PSME4: variants seen among roughly 807,000 people sequenced by gnomAD.
PSME4 encodes proteasome activator complex subunit 4.
Under a neutral mutation model 253.9 loss-of-function variants are expected in PSME4, and 89 were observed. The observed-to-expected ratio is 0.35, with a 90% CI of 0.30 to 0.42. The LOEUF is 0.42. PSME4 is among the 10% of genes least tolerant of loss of function. The pLI is 1.00. For synonymous variants in PSME4, 851 were observed against 759.2 expected (o/e 1.12, Z -1.99); for missense variants, 2,014 against 2,195.2 (o/e 0.92, Z 1.65).
intron 41 of PSME4, among the ~76,000 whole-genome samples, chr2:53,876,100 C>T (rs1053029507): frequency 2.6e-5 from 4 of 152,140 alleles, no homozygotes; most frequent in African/African-American, 4.8e-5. Flanking sequence ...CATAAAACTT[C>T]GTTACAGTTA....
chr2:53,872,999 G>C (rs991269281), intron 43 of PSME4, among the ~76,000 whole-genome samples: 2 of 151,900 alleles, frequency 1.3e-5, no homozygotes, highest in Non-Finnish European at 2.9e-5. Flanking sequence ...CCAGCACTTT[G>C]GGAAGCTGAG....
chr2:53,897,490 G>C (rs1680197304), intron 31 of PSME4, among the ~76,000 whole-genome samples: 1 of 152,070 alleles, frequency 6.6e-6, no homozygotes, highest in Admixed American at 6.6e-5. Context: ...TATTTTTAAA[G>C]GTCTTTCTCC....
Position 53,925,675 on chromosome 2 carries a change from A to G in PSME4, c.1673T>C (p.Ile558Thr). The G allele has an allele frequency of 6.9e-6, 11 of 1,605,362 alleles. No homozygotes were observed. Among genetic ancestry groups the G allele is most frequent in the Non-Finnish European group, 9.4e-6 (11 of 1,172,826 alleles). ...TGTTTGCTCCAATGTGCTACTTTCT[A>G]TAAGTCCAAAACATCTAAATAATCC... ...LQFMDRCFGLIESSTLEQTRE... is the reference protein window; with the variant it reads ...LQFMDRCFGLTESSTLEQTRE... Residue 558 changes from isoleucine (I) to threonine (T), a missense_variant, in exon 14 of 47, where the codon ATA (isoleucine) becomes ACA (threonine). Coordinates refer to ENST00000404125, the MANE Select transcript of PSME4 (RefSeq NM_014614.3).
rs551313842 is a variant in PSME4, at chr2:53,864,836, G to C, written c.*742C>G. The stretch of plus-strand genomic sequence containing the variant: ...CAGAGGGTCAAAAAATAGTTGTAAA[G>C]AATACAGGGAAAAAACAGCCAGTCA... On this transcript the variant is annotated 3_prime_UTR_variant, in exon 47 of 47. Transcript: ENST00000404125. The C allele has an allele frequency of 3.3e-5, 5 of 152,690 alleles. No homozygotes were observed. The East Asian group carries it at 9.6e-4, about 29-fold the overall frequency. 9.5% of individuals were successfully genotyped at this position (152,690 alleles called of 1,614,324 possible).
At chr2:53,933,648 C>T (rs182576095) in intron 8 of PSME4, among the ~76,000 whole-genome samples, 1 of 152,280 alleles carries the variant, frequency 6.6e-6, no homozygotes, top group East Asian at 1.9e-4. Flanking sequence ...TCCCAAAGTG[C>T]TAGGATTACA....
At chr2:53,929,229 TTATAC>T (rs1467259202) in intron 10 of PSME4, among the ~76,000 whole-genome samples, 1 of 151,974 alleles carries the variant, frequency 6.6e-6, no homozygotes, top group African/African-American at 2.4e-5. Flanking sequence ...CTAATCTATA[TTATAC>T]TAATCTAACG....
At chr2:53,866,016 G>T (rs1240071297) in intron 46 of PSME4, 69 bp downstream of exon 46, 2 of 1,412,628 alleles carry the variant, frequency 1.4e-6, no homozygotes, top group East Asian at 2.5e-5. Context: ...TCAGCAAAAA[G>T]AAAAAAAACA....
rs887906282 is a variant in PSME4, at chr2:53,927,278, A to G, written c.1593+116T>C. ...CCTGGCCCTCCATATGTACCATTCT[A>G]GTCACAAAATAGTGATTTTACTTCC... On this transcript the variant is annotated intron_variant, in intron 12 of 46. Coordinates refer to ENST00000404125, the MANE Select transcript of PSME4 (RefSeq NM_014614.3). 6.7e-6 allele frequency: 5 copies of G among 740,968 alleles called. No individual in the cohort carries two copies. In the African/African-American group the frequency reaches 6.9e-5, roughly 10 times the overall value. 45.9% of individuals were successfully genotyped at this position (740,968 alleles called of 1,614,324 possible).
intron 2 of PSME4, among the ~76,000 whole-genome samples, chr2:53,948,748 A>G (rs994719169): frequency 1.3e-5 from 2 of 152,214 alleles, no homozygotes; most frequent in African/African-American, 4.8e-5. Context: ...AGCAGCAGAT[A>G]AAAGAGGGCA....
At chr2:53,905,920 G>A (rs868623423) in intron 26 of PSME4, among the ~76,000 whole-genome samples, 15 of 152,268 alleles carry the variant, frequency 9.9e-5, no homozygotes, top group Middle Eastern at 3.4e-3. Context: ...CTTCCTGGGT[G>A]ATCATCCCAA....
intron 29 of PSME4, among the ~76,000 whole-genome samples, chr2:53,899,255 A>T (rs1414637265): frequency 6.6e-6 from 1 of 151,700 alleles, no homozygotes; most frequent in Non-Finnish European, 1.5e-5. Context: ...TTGTATAGAC[A>T]GGGTTTCACC....
chr2:53,963,587 CTAAG>C (rs1377162517), intron 1 of PSME4, among the ~76,000 whole-genome samples: 2 of 152,098 alleles, frequency 1.3e-5, no homozygotes, highest in Non-Finnish European at 2.9e-5. Flanking sequence ...AGGATTGAGT[CTAAG>C]TCTTCAAAGG....
intron 43 of PSME4, among the ~76,000 whole-genome samples, chr2:53,871,595 T>C (rs566785567): frequency 1.3e-5 from 2 of 152,282 alleles, no homozygotes; most frequent in South Asian, 4.1e-4. Context: ...CTCTGAGTAG[T>C]CAGATCTGTG....
At chr2:53,925,502 A>G in intron 14 of PSME4, 37 bp downstream of exon 14, 1 of 1,469,022 alleles carries the variant, frequency 6.8e-7, no homozygotes, top group Non-Finnish European at 9.2e-7. Context: ...ATGAAACTTA[A>G]AAGCTGGAAG....
At position 53,921,043 on chromosome 2, in the gene PSME4, T is replaced by C; in HGVS notation, c.2108A>G (p.Gln703Arg). 1.9e-6 allele frequency: 3 copies of C among 1,614,098 alleles called. No individual in the cohort carries two copies. Among genetic ancestry groups the C allele is most frequent in the African/African-American group, 1.3e-5 (1 of 75,032 alleles). ...CTTACAGGTTAAATGTAGGGTTCTT[T>C]GGAGAATCTTTACAAGCTGCTCCCT... Reference protein sequence around the residue: ...LYREQLVKILQRTLHLTCKQG... With the variant: ...LYREQLVKILRRTLHLTCKQG... The change falls in exon 18 of 47, where the codon CAA becomes CGA. Residue 703 changes from glutamine (Q) to arginine (R), a missense_variant. Gln to Arg is a conservative substitution (Grantham distance 43). This residue lies in a region of PSME4 where 989 missense variants were observed against 1,021.1 expected (regional missense o/e 0.97). Transcript: ENST00000404125.
intron 1 of PSME4, among the ~76,000 whole-genome samples, chr2:53,950,773 G>A (rs916572252): frequency 6.6e-6 from 1 of 151,118 alleles, no homozygotes; most frequent in African/African-American, 2.4e-5. Flanking sequence ...CCTGGGAGGC[G>A]GAGGTTGCGG....
chr2:53,936,309 C>T lies in PSME4; in HGVS notation c.760-148G>A, dbSNP rs1457525466. 30 of 1,238,862 alleles carry T rather than the reference C, an allele frequency of 2.4e-5. No homozygotes were observed. In the South Asian group the frequency reaches 4.1e-4, roughly 17 times the overall value. 76.7% of individuals were successfully genotyped at this position (1,238,862 alleles called of 1,614,324 possible). On this transcript the variant is annotated intron_variant, in intron 6 of 46. Coordinates refer to ENST00000404125, the MANE Select transcript of PSME4 (RefSeq NM_014614.3). ...TTTATGACTTTGTTTTTTTTAAAACCTCCAAATTTAAATTGATTCATGTCA... is the reference window on the plus strand; with the variant it reads ...TTTATGACTTTGTTTTTTTTAAAACTTCCAAATTTAAATTGATTCATGTCA...
chr2:53,934,316 T>G (rs1669002858), intron 8 of PSME4, among the ~76,000 whole-genome samples: 1 of 152,222 alleles, frequency 6.6e-6, no homozygotes, highest in Non-Finnish European at 1.5e-5. Context: ...TGGGAAAGTC[T>G]TCCGGGCTAC....
At chr2:53,940,882 A>ATAATACATATTTAAATATATG (rs1669366187) in intron 3 of PSME4, among the ~76,000 whole-genome samples, 1 of 141,812 alleles carries the variant, frequency 7.1e-6, no homozygotes, top group African/African-American at 2.6e-5. Flanking sequence ...TTAAATATAT[A>ATAATACATATTTAAATATATG]TAATACATAT....
Sources: gnomAD v4.1 joint callset for allele counts (sites outside exome capture counted in the v4.1 genomes callset) on GRCh38, gnomAD v4.1.1 for gene constraint, gnomAD v4.1.1 regional missense constraint, MANE v1.5 for transcripts, NCBI Gene and HGNC (gene_info 2026-07-23, HGNC 2026-07-21) for gene names.